The following ARHGAP42 variants were observed in gnomAD, a reference collection of about 807,000 sequenced individuals.
The protein encoded by ARHGAP42 is Rho GTPase activating protein 42.
A neutral mutation model predicts 125.0 loss-of-function variants in ARHGAP42; 63 were observed. The ratio of observed to expected loss-of-function variants is 0.50; its 90% CI spans 0.41 to 0.62. The LOEUF (loss-of-function observed/expected upper bound fraction) is 0.62. ARHGAP42 is among the 20% of genes least tolerant of loss of function. ARHGAP42 has a pLI of 0.00. For missense variants in ARHGAP42, 766 were observed against 1,024.2 expected (o/e 0.75, Z 3.44); for synonymous variants, 339 against 351.0 (o/e 0.97, Z 0.38).
intron 4 of ARHGAP42, among the ~76,000 whole-genome samples, chr11:100,862,714 G>A (rs1462788556): frequency 6.6e-6 from 1 of 152,108 alleles, no homozygotes; most frequent in Non-Finnish European, 1.5e-5. Context: ...TTCTTGCTTA[G>A]TAAAGTGAAT....
At chr11:100,967,042 T>C (rs1224238343) in intron 17 of ARHGAP42, among the ~76,000 whole-genome samples, 1 of 150,684 alleles carries the variant, frequency 6.6e-6, no homozygotes. Context: ...GGCTTCTTTC[T>C]GAACTTACAA....
chr11:100,921,992 G>A (rs2135245138), intron 6 of ARHGAP42, among the ~76,000 whole-genome samples: 1 of 149,572 alleles, frequency 6.7e-6, no homozygotes, highest in East Asian at 2.0e-4. Flanking sequence ...GTGCAGAGGT[G>A]GTGGGGGACA....
At chr11:100,963,254 T>G (rs1858005995) in intron 16 of ARHGAP42, among the ~76,000 whole-genome samples, 1 of 152,228 alleles carries the variant, frequency 6.6e-6, no homozygotes. Flanking sequence ...ATGTCATTTG[T>G]TTAGATCTGT....
intron 16 of ARHGAP42, among the ~76,000 whole-genome samples, chr11:100,965,194 C>A (rs982379664): frequency 7.2e-5 from 11 of 152,096 alleles, no homozygotes; most frequent in Admixed American, 7.2e-4. Context: ...CCCACTGGGT[C>A]CCTCCCACAA....
intron 2 of ARHGAP42, among the ~76,000 whole-genome samples, chr11:100,794,075 C>CAAAAAAAAAA (rs869272420): frequency 3.3e-4 from 15 of 44,844 alleles, no homozygotes; most frequent in South Asian, 1.4e-3. Context: ...GACCCTGTCT[C>CAAAAAAAAAA]AAAAAAAAAA....
At chr11:100,813,629 T>C (rs1864199741) in intron 3 of ARHGAP42, among the ~76,000 whole-genome samples, 2 of 152,128 alleles carry the variant, frequency 1.3e-5, no homozygotes, top group Admixed American at 1.3e-4. Context: ...CTCCTTTGAC[T>C]CTCCAGGGTC....
chr11:100,920,510 A>G (rs1867208445), intron 5 of ARHGAP42, among the ~76,000 whole-genome samples: 4 of 152,090 alleles, frequency 2.6e-5, no homozygotes, highest in African/African-American at 7.2e-5. Flanking sequence ...ACGGATACTT[A>G]GTACTCCAGA....
At chr11:100,860,792 GC>G (rs779328980) in intron 4 of ARHGAP42, among the ~76,000 whole-genome samples, 33 of 152,084 alleles carry the variant, frequency 2.2e-4, no homozygotes, top group Non-Finnish European at 4.6e-4. Context: ...AACACAGTTT[GC>G]CTTGATTAGA....
intron 1 of ARHGAP42, among the ~76,000 whole-genome samples, chr11:100,742,610 G>A (rs773191926): frequency 1.3e-5 from 2 of 152,028 alleles, no homozygotes; most frequent in African/African-American, 4.8e-5. Context: ...CCTTTTCAAA[G>A]GTCCATAGAT....
chr11:100,715,289 A>G (rs1015306920), intron 1 of ARHGAP42, among the ~76,000 whole-genome samples: 1 of 152,008 alleles, frequency 6.6e-6, no homozygotes, highest in African/African-American at 2.4e-5. Flanking sequence ...CTTAGGAACT[A>G]TCCAGAACAG....
At chr11:100,867,568 A>G (rs1324845399) in intron 4 of ARHGAP42, among the ~76,000 whole-genome samples, 2 of 152,194 alleles carry the variant, frequency 1.3e-5, no homozygotes, top group Admixed American at 1.3e-4. Context: ...TGCTCTGGAT[A>G]AGGCTTTGGC....
chr11:100,725,362 G>T (rs1315435701), intron 1 of ARHGAP42, among the ~76,000 whole-genome samples: 1 of 151,406 alleles, frequency 6.6e-6, no homozygotes, highest in Non-Finnish European at 1.5e-5. Flanking sequence ...GTAGAGATGG[G>T]GTTTCACCAT....
At chr11:100,878,607 C>G (rs1476949218) in intron 4 of ARHGAP42, among the ~76,000 whole-genome samples, 2 of 152,080 alleles carry the variant, frequency 1.3e-5, no homozygotes, top group Non-Finnish European at 2.9e-5. Context: ...ACTAAAATAC[C>G]ACATTCTCTC....
In ARHGAP42 at chr11:100,948,475, A is replaced by G; in HGVS notation, c.1062A>G (p.Leu354=). Residue 354 remains leucine (L), a synonymous_variant, in exon 11 of 24, where the codon TTA becomes TTG. Coordinates refer to ENST00000298815, the MANE Select transcript of ARHGAP42 (RefSeq NM_152432.4). ...EVVERHGIIT[L]QAFSEANRKL... ...TAAATAGGCATGGGATCATCACGTT[A>G]CAGGCCTTCTCAGAAGCTAATAGGA... The G allele has an allele frequency of 6.5e-7, 1 of 1,549,664 alleles. No individual in the cohort carries two copies.
At position 100,830,559 on chromosome 11, in the gene ARHGAP42, T is replaced by A. The variant is rs543648614; in HGVS notation, c.313-28995T>A. On this transcript the variant is annotated intron_variant, in intron 3 of 23. Transcript: ENST00000298815. ...GGACCTACTGAACAAGAAGCTGCAGTGTCACAAGATCCTCAGGTGTTTCTT... is the reference window on the plus strand; with the variant it reads ...GGACCTACTGAACAAGAAGCTGCAGAGTCACAAGATCCTCAGGTGTTTCTT... 6.6e-5 allele frequency among the ~76,000 whole-genome samples: 10 copies of A among 152,298 alleles called. No homozygotes were observed. The South Asian group carries it at 2.1e-3, about 32-fold the overall frequency.
intron 4 of ARHGAP42, among the ~76,000 whole-genome samples, chr11:100,903,117 G>GCGTGCACA (rs373508179): frequency 3.8e-5 from 5 of 131,942 alleles, no homozygotes; most frequent in African/African-American, 1.1e-4. Flanking sequence ...TCCAAGATGC[G>GCGTGCACA]CACACACACA....
At chr11:100,968,532 A>G (rs1794120972) in intron 17 of ARHGAP42, among the ~76,000 whole-genome samples, 1 of 152,182 alleles carries the variant, frequency 6.6e-6, no homozygotes, top group African/African-American at 2.4e-5. Context: ...ATTAATAAAC[A>G]TGTTATATCT....
At chr11:100,930,940 TTAGGAC>T (rs1474561446) in intron 6 of ARHGAP42, among the ~76,000 whole-genome samples, 5 of 152,196 alleles carry the variant, frequency 3.3e-5, no homozygotes, top group Admixed American at 1.3e-4. Context: ...TCCAAAATGC[TTAGGAC>T]TAGAAGTGTT....
chr11:100,714,172 T>C (rs1182704566), intron 1 of ARHGAP42, among the ~76,000 whole-genome samples: 1 of 152,210 alleles, frequency 6.6e-6, no homozygotes, highest in African/African-American at 2.4e-5. Context: ...AAAATCTTTT[T>C]AGCAGAGCTT....
Sources: allele counts gnomAD v4.1 joint callset (sites outside exome capture counted in the v4.1 genomes callset), GRCh38; gene constraint gnomAD v4.1.1; transcripts MANE v1.5; gene names NCBI Gene and HGNC (gene_info 2026-07-23, HGNC 2026-07-21).